Variants in CARMIL1 observed in about 807,000 individuals in gnomAD.
CARMIL1 encodes the protein capping protein regulator and myosin 1 linker 1, also known as F-actin-uncapping protein LRRC16A.
CARMIL1 carries 90 observed loss-of-function variants against 177.1 expected under a neutral mutation model. The ratio of observed to expected loss-of-function variants is 0.51; its 90% CI spans 0.43 to 0.61. The LOEUF is 0.61. Among genes scored for constraint, CARMIL1 ranks in the 20% least tolerant of loss-of-function variants. The pLI, the probability that CARMIL1 is intolerant of heterozygous loss-of-function variation, is 0.00. For synonymous variants in CARMIL1, 577 were observed against 606.2 expected, an observed-to-expected ratio of 0.95 and a Z score of 0.71; for missense variants, 1,380 against 1,667.0, an observed-to-expected ratio of 0.83 and a Z score of 3.00.
chr6:25,517,053 T>G (rs1806072649), intron 21 of CARMIL1, among the ~76,000 whole-genome samples: 1 of 152,180 alleles, frequency 6.6e-6, no homozygotes, highest in African/African-American at 2.4e-5. Context: ...ATATCAGAAT[T>G]TAGAGTTTTC....
Position 25,431,100 on chromosome 6 carries a change from G to C in CARMIL1, c.250-4383G>C, listed in dbSNP as rs931453830. The stretch of plus-strand genomic sequence containing the variant: ...TACATATGTATACATGTGCCATGCT[G>C]GTGCGCTGCACCCACTAACTCGTCA... On this transcript the variant is annotated intron_variant, in intron 4 of 36. Transcript: ENST00000329474. 9.3e-4 allele frequency among the ~76,000 whole-genome samples: 142 copies of C among 152,146 alleles called. 1 individual carries two copies. The highest frequency in any genetic ancestry group is 3.3e-3 in the African/African-American group (135 of 41,494).
chr6:25,450,860 T>G (rs1581990959), intron 8 of CARMIL1, 149 bp downstream of exon 8: 1 of 526,956 alleles, frequency 1.9e-6, no homozygotes, highest in Non-Finnish European at 3.3e-6. Flanking sequence ...CTCCCCTCCC[T>G]TCCCTTCCCT....
At chr6:25,541,724 G>A (rs1808920512) in intron 26 of CARMIL1, among the ~76,000 whole-genome samples, 1 of 152,180 alleles carries the variant, frequency 6.6e-6, no homozygotes. Context: ...CGTGATCTCA[G>A]CTCACTGTAA....
intron 11 of CARMIL1, among the ~76,000 whole-genome samples, chr6:25,477,624 T>A (rs63015261): frequency 1.1e-5 from 1 of 93,192 alleles, no homozygotes; most frequent in Non-Finnish European, 2.4e-5. Flanking sequence ...TGACAAGCAA[T>A]TTTTTTTTTT....
intron 2 of CARMIL1, among the ~76,000 whole-genome samples, chr6:25,335,686 A>G (rs1033286010): frequency 3.3e-5 from 5 of 152,218 alleles, no homozygotes; most frequent in African/African-American, 1.2e-4. Context: ...TTTCTAGACT[A>G]ATTTCAGAGA....
chr6:25,483,891 C>A (rs1286866377), intron 12 of CARMIL1, among the ~76,000 whole-genome samples: 6 of 152,070 alleles, frequency 3.9e-5, no homozygotes, highest in African/African-American at 1.2e-4. Flanking sequence ...CCTCAGCCCC[C>A]CAAGTAGCTG....
chr6:25,576,297 A>T (rs1243455182), intron 29 of CARMIL1, among the ~76,000 whole-genome samples: 1 of 152,128 alleles, frequency 6.6e-6, no homozygotes, highest in Non-Finnish European at 1.5e-5. Context: ...GATGTAATGT[A>T]AAATGTAAGG....
intron 8 of CARMIL1, among the ~76,000 whole-genome samples, chr6:25,454,221 A>G (rs749217267): frequency 6.6e-6 from 1 of 152,232 alleles, no homozygotes; most frequent in African/African-American, 2.4e-5. Context: ...GACATTTGTC[A>G]TTATTGAGAC....
intron 2 of CARMIL1, among the ~76,000 whole-genome samples, chr6:25,291,039 T>G (rs906537105): frequency 6.6e-6 from 1 of 152,200 alleles, no homozygotes; most frequent in African/African-American, 2.4e-5. Context: ...CTTGAACTTC[T>G]GGACTCAAGC....
intron 2 of CARMIL1, among the ~76,000 whole-genome samples, chr6:25,341,741 A>T (rs2744231): frequency 0.19 from 28,360 of 152,114 alleles, 2,967 homozygotes; most frequent in African/African-American, 0.27. Context: ...ACAACAGAAA[A>T]CTCAGAATGT....
chr6:25,426,390 T>C (rs1373833943), intron 3 of CARMIL1, 111 bp from the exon 4 acceptor site: 3 of 754,364 alleles, frequency 4.0e-6, no homozygotes, highest in Non-Finnish European at 6.4e-6. Context: ...TTATTTGCTC[T>C]TGGGCTGTTT....
At chr6:25,562,254 T>A (rs547662538) in intron 29 of CARMIL1, among the ~76,000 whole-genome samples, 1 of 151,812 alleles carries the variant, frequency 6.6e-6, no homozygotes, top group African/African-American at 2.4e-5. Context: ...ATCTTTTTTT[T>A]TTTTTTTCTT....
At chr6:25,415,631 G>T (rs1337576331) in intron 2 of CARMIL1, among the ~76,000 whole-genome samples, 1 of 152,090 alleles carries the variant, frequency 6.6e-6, no homozygotes, top group Non-Finnish European at 1.5e-5. Flanking sequence ...TTATTAATTA[G>T]ATTCACACAG....
At chr6:25,463,717 A>G (rs1054951824) in intron 8 of CARMIL1, among the ~76,000 whole-genome samples, 7 of 152,202 alleles carry the variant, frequency 4.6e-5, no homozygotes, top group African/African-American at 2.4e-5. Context: ...ATTAGGCAAT[A>G]GGAAGAGATA....
intron 36 of CARMIL1, among the ~76,000 whole-genome samples, chr6:25,615,323 A>G (rs1202446228): frequency 6.6e-6 from 1 of 152,192 alleles, no homozygotes; most frequent in African/African-American, 2.4e-5. Context: ...CATGCTGCAT[A>G]TTTTTATCAC....
At chr6:25,394,448 C>T (rs1269088862) in intron 2 of CARMIL1, among the ~76,000 whole-genome samples, 1 of 152,194 alleles carries the variant, frequency 6.6e-6, no homozygotes, top group East Asian at 1.9e-4. Flanking sequence ...CTGGTAAACA[C>T]TTGAGTAAGC....
intron 36 of CARMIL1, among the ~76,000 whole-genome samples, chr6:25,611,539 A>G (rs1437358869): frequency 3.3e-5 from 5 of 152,298 alleles, no homozygotes; most frequent in African/African-American, 9.6e-5. Context: ...CTGACTTTAC[A>G]TCTTTACTTT....
chr6:25,297,949 A>G (rs1782552834), intron 2 of CARMIL1, among the ~76,000 whole-genome samples: 2 of 152,076 alleles, frequency 1.3e-5, no homozygotes, highest in Non-Finnish European at 2.9e-5. Flanking sequence ...TACGCCTCCC[A>G]TTTTCTGTGT....
intron 31 of CARMIL1, among the ~76,000 whole-genome samples, chr6:25,592,608 C>A (rs1814428803): frequency 6.6e-6 from 1 of 152,206 alleles, no homozygotes; most frequent in African/African-American, 2.4e-5. Context: ...CAGCATGTCA[C>A]AAACATGAAC....
Sources: allele counts gnomAD v4.1 joint callset (sites outside exome capture counted in the v4.1 genomes callset), GRCh38; gene constraint gnomAD v4.1.1; transcripts MANE v1.5; gene names NCBI Gene and HGNC (gene_info 2026-07-23, HGNC 2026-07-21).